NTRK1: variants seen among roughly 807,000 people sequenced by gnomAD.
NTRK1 encodes the protein high affinity nerve growth factor receptor.
Under a neutral mutation model 86.8 loss-of-function variants are expected in NTRK1, and 62 were observed. The ratio of observed to expected loss-of-function variants is 0.71; its 90% confidence interval spans 0.58 to 0.88. NTRK1 has a LOEUF of 0.88. Among genes scored for constraint, NTRK1 ranks in the 40% least tolerant of loss-of-function variants. The pLI, the probability that NTRK1 is intolerant of heterozygous loss-of-function variation, is 0.00. For synonymous variants in NTRK1, 469 were observed against 456.6 expected (o/e 1.03, Z -0.35); for missense variants, 967 against 1,078.4 (o/e 0.90, Z 1.45).
intron 2 of NTRK1, among the ~76,000 whole-genome samples, chr1:156,855,446 C>T (rs1655376018): frequency 6.6e-6 from 1 of 152,164 alleles, no homozygotes; most frequent in African/African-American, 2.4e-5. Context: ...CTCAATTGAT[C>T]CACCCACCTT....
chr1:156,845,916 C>A lies in NTRK1; in HGVS notation c.50+3723C>A. 2.5e-6 allele frequency: 4 copies of A among 1,602,448 alleles called. No homozygotes were observed. In the South Asian group the frequency reaches 3.3e-5, roughly 13 times the overall value. ...GCGCCTCCATCTCCCCTTCCCCACC[C>A]GCCCCGCGGCCGGCCTGCGCGTCGT... is the stretch of plus-strand genomic sequence containing the variant. On this transcript the variant is annotated intron_variant, in intron 2 of 16. Transcript: ENST00000392302.
At position 156,855,594 on chromosome 1, in the gene NTRK1, G is replaced by A. The variant is rs547464942; in HGVS notation, c.51-8760G>A. Among the ~76,000 whole-genome samples the A allele has an allele frequency of 2.0e-5, 3 of 152,264 alleles. No homozygotes were observed. The South Asian group carries it at 6.2e-4, about 31-fold the overall frequency. On this transcript the variant is annotated intron_variant, in intron 2 of 16. Coordinates refer to the NTRK1 transcript ENST00000392302. ...TTCCAGCACTTTGGGAGGCCGAGGT[G>A]GGAAGATTGCTTGAGCCTAGGAATT...
intron 2 of NTRK1, chr1:156,853,849 G>A (rs769542190): frequency 6.2e-7 from 1 of 1,613,948 alleles, no homozygotes; most frequent in Admixed American, 1.7e-5. Context: ...GCACACCAGG[G>A]CACACGTCAG....
intron 1 of NTRK1, chr1:156,841,698 T>C: frequency 1.2e-6 from 2 of 1,614,094 alleles, no homozygotes; most frequent in South Asian, 2.2e-5. Context: ...GATCCCATCT[T>C]TGAGGGACTC....
intron 16 of NTRK1, chr1:156,880,498 C>T: frequency 3.0e-6 from 1 of 329,116 alleles, no homozygotes. Context: ...GGAAGAGGAA[C>T]CCAGCACAAG....
At chr1:156,835,738 G>A (rs571635849) in intron 1 of NTRK1, among the ~76,000 whole-genome samples, 1 of 152,138 alleles carries the variant, frequency 6.6e-6, no homozygotes, top group Admixed American at 6.5e-5. Context: ...AGATAACAAC[G>A]ACAATAATTT....
chr1:156,863,317 C>T (rs1655768574), intron 1 of NTRK1, among the ~76,000 whole-genome samples: 1 of 152,148 alleles, frequency 6.6e-6, no homozygotes, highest in South Asian at 2.1e-4. Flanking sequence ...CTGACCTCTT[C>T]CTGTCAGTTT....
intron 2 of NTRK1, chr1:156,845,165 T>A (rs922703402): frequency 1.2e-6 from 2 of 1,611,562 alleles, no homozygotes; most frequent in Non-Finnish European, 1.7e-6. Context: ...GTCGATCCGG[T>A]ATTCCGTGAA....
At chr1:156,821,850 G>A (rs931898107) in intron 1 of NTRK1, among the ~76,000 whole-genome samples, 9 of 152,146 alleles carry the variant, frequency 5.9e-5, no homozygotes, top group Admixed American at 5.2e-4. Context: ...ACTGGATAAG[G>A]TTATCCTATA....
rs959132702 is a variant in NTRK1 at position 156,826,492 on chromosome 1, A to G, written c.-64+10654A>G. 2.0e-5 allele frequency among the ~76,000 whole-genome samples: 3 copies of G among 151,700 alleles called. No homozygotes were observed. In the South Asian group the frequency reaches 6.3e-4, roughly 32 times the overall value. On this transcript the variant is annotated intron_variant, in intron 1 of 16. Coordinates refer to the NTRK1 transcript ENST00000392302. Reference sequence around the variant, plus strand: ...ATTTTTTGTATTTTTTAGTAGAGACAGGGTTTCACCTTGGTCTTGATCTCC... The same window carrying G: ...ATTTTTTGTATTTTTTAGTAGAGACGGGGTTTCACCTTGGTCTTGATCTCC...
At chr1:156,821,548 G>A (rs1468551735) in intron 1 of NTRK1, among the ~76,000 whole-genome samples, 1 of 151,574 alleles carries the variant, frequency 6.6e-6, no homozygotes, top group Non-Finnish European at 1.5e-5. Flanking sequence ...AGTTGTAGAG[G>A]ATGAGTAGGA....
intron 11 of NTRK1, 88 bp from the exon 12 acceptor site, chr1:156,875,432 G>A (rs2102914652): frequency 6.4e-7 from 1 of 1,557,604 alleles, no homozygotes; most frequent in Admixed American, 1.7e-5. Flanking sequence ...CAAGTTACAA[G>A]GTGGGGGTGA....
intron 2 of NTRK1, chr1:156,842,199 C>A (rs200688061): frequency 6.2e-7 from 1 of 1,614,076 alleles, no homozygotes; most frequent in Non-Finnish European, 8.5e-7. Context: ...GCAAGGTAGG[C>A]CATGCCGTCT....
intron 2 of NTRK1, among the ~76,000 whole-genome samples, chr1:156,853,263 C>T: frequency 6.6e-6 from 1 of 152,156 alleles, no homozygotes; most frequent in East Asian, 1.9e-4. Context: ...TGATTAGGAA[C>T]ATAGAACTGC....
intron 3 of NTRK1, chr1:156,865,118 A>C: frequency 2.5e-6 from 1 of 397,590 alleles, no homozygotes; most frequent in East Asian, 5.3e-5. Context: ...CAGGAGCAGG[A>C]CTCCTGGGTT....
intron 12 of NTRK1, 171 bp from the exon 13 acceptor site, chr1:156,875,909 C>A: frequency 8.5e-7 from 1 of 1,171,498 alleles, no homozygotes; most frequent in Admixed American, 1.9e-5. Context: ...CAGGTGCAGC[C>A]CCACACTATG....
intron 1 of NTRK1, among the ~76,000 whole-genome samples, chr1:156,829,719 C>T (rs1165817532): frequency 6.6e-6 from 1 of 152,174 alleles, no homozygotes; most frequent in East Asian, 1.9e-4. Flanking sequence ...GTGGCACGAT[C>T]TCGGCTCACG....
chr1:156,826,001 C>T (rs540799136), intron 1 of NTRK1, among the ~76,000 whole-genome samples: 2 of 152,258 alleles, frequency 1.3e-5, no homozygotes, highest in African/African-American at 4.8e-5. Context: ...ACCAGATGGT[C>T]TGGTTTCAGA....
intron 4 of NTRK1, 85 bp downstream of exon 4, chr1:156,867,063 CTG>C: frequency 7.3e-7 from 1 of 1,372,622 alleles, no homozygotes; most frequent in Non-Finnish European, 1.0e-6. Context: ...CATTGGGTCA[CTG>C]TGTCTGTGTG....
Sources: allele counts gnomAD v4.1 joint callset (sites outside exome capture counted in the v4.1 genomes callset), GRCh38; gene constraint gnomAD v4.1.1; transcripts MANE v1.5; gene names NCBI Gene and HGNC (gene_info 2026-07-23, HGNC 2026-07-21).